The following B9D1 variants were observed in gnomAD, a reference collection of about 807,000 sequenced individuals.
B9D1 encodes the protein B9 domain containing 1, also known as B9 domain-containing protein 1.
A neutral mutation model predicts 26.1 loss-of-function variants in B9D1; 20 were observed. The observed-to-expected ratio is 0.77, with a 90% CI of 0.54 to 1.12. B9D1 has a LOEUF of 1.12. Among genes scored for constraint, B9D1 ranks in the 50% most tolerant of loss-of-function variants. B9D1 has a pLI of 0.00. For missense variants in B9D1, 260 were observed against 273.7 expected (o/e 0.95, Z 0.35); for synonymous variants, 105 against 103.1 (o/e 1.02, Z -0.11).
downstream of B9D1, among the ~76,000 whole-genome samples, chr17:19,338,149 C>T (rs1907610693): frequency 6.6e-6 from 1 of 152,236 alleles, no homozygotes. Context: ...GGGGTCAGTA[C>T]CCACAGTCCA....
downstream of B9D1, chr17:19,336,044 C>G (rs567778553): frequency 3.9e-4 from 60 of 152,440 alleles, no homozygotes; most frequent in African/African-American, 1.3e-3. Context: ...CAGGAGAGAT[C>G]TTAAATGGTC....
chr17:19,364,268 G>A (rs1228758006), upstream of B9D1, among the ~76,000 whole-genome samples: 2 of 152,130 alleles, frequency 1.3e-5, no homozygotes, highest in Non-Finnish European at 2.9e-5. This position sits in a 1 kb window ranked among gnomAD's most constrained non-coding sequence, Gnocchi z 4.3. Context: ...GCCTTCAGGG[G>A]TACAAATAAG....
At chr17:19,337,862 A>AGG, downstream of B9D1, 1 of 350,854 alleles carries the variant, frequency 2.9e-6, no homozygotes. Context: ...CCCCATCCAG[A>AGG]TGTGGGGTGG....
rs146903206 is a variant in B9D1, at chr17:19,370,680, G to A, written c.-298+7179C>T. On this transcript the variant is annotated intron_variant, in intron 1 of 5. Transcript: ENST00000477478. The surrounding 1 kb of genome is among the most constrained non-coding windows in gnomAD (Gnocchi z 5.1). ...CTGGCTGTGCTGAATGGTGGAAGCA[G>A]GGGTGAGGCCCCGAGAGGTGTCTGG... Among the ~76,000 whole-genome samples the A allele has an allele frequency of 1.3e-5, 2 of 152,342 alleles. No individual in the cohort carries two copies. Among genetic ancestry groups the A allele is most frequent in the African/African-American group, 4.8e-5 (2 of 41,586 alleles).
At chr17:19,362,749 A>G (rs981702297), upstream of B9D1, 6 of 1,479,508 alleles carry the variant, frequency 4.1e-6, no homozygotes, top group South Asian at 2.4e-5. Context: ...GGGCGCCGTT[A>G]TAAGGGGGCG....
Position 19,347,276 on chromosome 17 carries a change from A to G in B9D1, c.397T>C (p.Phe133Leu), listed in dbSNP as rs201901019. Residue 133 changes from phenylalanine (F) to leucine (L), a missense_variant, in exon 5 of 7, where the codon TTT becomes CTT. Transcript: ENST00000261499. The surrounding 1 kb of genome is among the most constrained non-coding windows in gnomAD (Gnocchi z 4.3). The stretch of plus-strand genomic sequence containing the variant: ...TATGGGTACAAAACTCACCTTGTAA[A>G]CTTCTGCAGTTTAGACGTAGATTCT... ...VPESTSKLQK[F>L]TSWFMGRRPE... The G allele has an allele frequency of 3.6e-5, 58 of 1,614,092 alleles. No individual in the cohort carries two copies. The highest frequency in any genetic ancestry group is 4.8e-5 in the Non-Finnish European group (57 of 1,180,046).
At chr17:19,344,523 G>T in intron 5 of B9D1, 1 of 273,084 alleles carries the variant, frequency 3.7e-6, no homozygotes, top group Non-Finnish European at 7.6e-6. Context: ...ACACACCCAC[G>T]CGAGCCGGAA....
chr17:19,362,824 C>T (rs535738818), upstream of B9D1: 5 of 1,083,984 alleles, frequency 4.6e-6, no homozygotes, highest in African/African-American at 3.1e-5. Flanking sequence ...TGACCGAGAG[C>T]TGGGGCGGGA....
downstream of B9D1, chr17:19,340,771 AGAGT>A (rs889206654): frequency 7.0e-6 from 1 of 143,032 alleles, no homozygotes; most frequent in Non-Finnish European, 1.5e-5. Context: ...CCTGGGCGAC[AGAGT>A]AAGACCCTGT....
rs763481692 is a variant in B9D1 at position 19,343,839 on chromosome 17, C to A, written c.423G>T (p.Arg141=). Residue 141 remains arginine, a synonymous_variant, in exon 6 of 7, where the codon CGG becomes CGT. Transcript: ENST00000261499. ...QKFTSWFMGR[R]PEYTDPKVVA... Reference sequence around the variant, plus strand: ...CCACCTTGGGGTCTGTGTACTCGGGCCGCCGCCCCATGAACCAGCTGGGAA... The same window carrying A: ...CCACCTTGGGGTCTGTGTACTCGGGACGCCGCCCCATGAACCAGCTGGGAA... 6.2e-7 allele frequency: 1 copy of A among 1,614,018 alleles called. No individual in the cohort carries two copies. Among genetic ancestry groups the A allele is most frequent in the Non-Finnish European group, 8.5e-7 (1 of 1,179,922 alleles).
chr17:19,343,251 C>T lies in B9D1; in HGVS notation c.*68G>A, dbSNP rs1908189674. 4 of 1,610,398 alleles carry T rather than the reference C, an allele frequency of 2.5e-6. No homozygotes were observed. Among genetic ancestry groups the T allele is most frequent in the South Asian group, 1.1e-5 (1 of 90,746 alleles). On this transcript the variant is annotated 3_prime_UTR_variant, in exon 7 of 7. Coordinates refer to ENST00000261499, the MANE Select transcript of B9D1 (RefSeq NM_015681.6). Reference sequence around the variant, plus strand: ...CTGGCCACCAGGCTGCCCCTCAGGCCGATGGGCAGCGGCTGACTTCGGGAA... The same window carrying T: ...CTGGCCACCAGGCTGCCCCTCAGGCTGATGGGCAGCGGCTGACTTCGGGAA...
intron 1 of B9D1, among the ~76,000 whole-genome samples, chr17:19,374,701 G>A (rs1002286294): frequency 3.9e-5 from 6 of 152,140 alleles, no homozygotes; most frequent in Admixed American, 2.6e-4. Context: ...TCATGCAGCT[G>A]TAAAAATGAG....
intron 3 of B9D1, among the ~76,000 whole-genome samples, chr17:19,357,192 T>C (rs1297662664): frequency 2.0e-5 from 3 of 152,212 alleles, no homozygotes; most frequent in African/African-American, 4.8e-5. Context: ...GCAGGTATGA[T>C]TGGGAAGCTC....
downstream of B9D1, among the ~76,000 whole-genome samples, chr17:19,341,537 G>A (rs1055268114): frequency 6.6e-6 from 1 of 152,228 alleles, no homozygotes; most frequent in Non-Finnish European, 1.5e-5. Context: ...GGGTAAGGAA[G>A]GCAGCTAATG....
At chr17:19,337,898 C>CTTAG, downstream of B9D1, 1 of 433,382 alleles carries the variant, frequency 2.3e-6, no homozygotes, top group South Asian at 2.0e-5. Flanking sequence ...TGCAGGCTTC[C>CTTAG]TTAGTGGTGG....
intron 6 of B9D1, 62 bp from the exon 7 acceptor site, chr17:19,343,523 C>T (rs769720182): frequency 6.2e-7 from 1 of 1,610,596 alleles, no homozygotes; most frequent in Non-Finnish European, 8.5e-7. Context: ...CCAGGTTGAT[C>T]TGGGAATCTC....
chr17:19,341,447 T>A, downstream of B9D1: 1 of 590,844 alleles, frequency 1.7e-6, no homozygotes, highest in Non-Finnish European at 2.5e-6. Flanking sequence ...GTAGGAAAAC[T>A]CACGATGGAG....
chr17:19,343,072 G>A (rs997083657), downstream of B9D1: 2 of 1,398,492 alleles, frequency 1.4e-6, no homozygotes, highest in African/African-American at 2.9e-5. Context: ...ACAAGGGGTA[G>A]GGACAGGGAG....
rs113362072 is a variant in B9D1, at chr17:19,353,725, G to A, written c.244+4115C>T. 4.8e-3 allele frequency among the ~76,000 whole-genome samples: 729 copies of A among 152,282 alleles called. 5 individuals are homozygous for A. Among genetic ancestry groups the A allele is most frequent in the African/African-American group, 0.016 (673 of 41,554 alleles). ...GGAGGCCGAGGTGGGCGGATCATTT[G>A]AGGTCAGGAGTTCGAGACCAGCATG... On this transcript the variant is annotated intron_variant, in intron 3 of 6. Coordinates refer to ENST00000261499, the MANE Select transcript of B9D1 (RefSeq NM_015681.6).
Sources: allele counts gnomAD v4.1 joint callset (sites outside exome capture counted in the v4.1 genomes callset), GRCh38; gene constraint gnomAD v4.1.1; non-coding constraint Gnocchi (gnomAD v3.1); transcripts MANE v1.5; gene names NCBI Gene and HGNC (gene_info 2026-07-23, HGNC 2026-07-21).